Variants in MSI2 observed in about 807,000 individuals in gnomAD.
MSI2 encodes musashi RNA binding protein 2, also known as RNA-binding protein Musashi homolog 2.
MSI2 carries 17 observed loss-of-function variants against 45.6 expected under a neutral mutation model. The observed-to-expected ratio is 0.37, with a 90% CI of 0.26 to 0.56. The LOEUF (loss-of-function observed/expected upper bound fraction) is 0.56. MSI2 is among the 20% of genes least tolerant of loss of function. The pLI is 0.77. For missense variants in MSI2, 293 were observed against 444.2 expected (o/e 0.66, Z 3.06); for synonymous variants, 156 against 158.2 (o/e 0.99, Z 0.11).
intron 7 of MSI2, among the ~76,000 whole-genome samples, chr17:57,586,862 A>G (rs944392773): frequency 6.6e-6 from 1 of 152,112 alleles, no homozygotes; most frequent in Non-Finnish European, 1.5e-5. Flanking sequence ...AAAAAAAAAA[A>G]AAAAGTTTCC....
chr17:57,378,384 C>T (rs2083538811), intron 5 of MSI2, among the ~76,000 whole-genome samples: 1 of 152,184 alleles, frequency 6.6e-6, no homozygotes, highest in African/African-American at 2.4e-5. Flanking sequence ...CTGCCTCAGC[C>T]TCCCGAGTAG....
chr17:57,480,316 G>C (rs1276662819), intron 6 of MSI2, among the ~76,000 whole-genome samples: 1 of 152,142 alleles, frequency 6.6e-6, no homozygotes, highest in Non-Finnish European at 1.5e-5. Flanking sequence ...GCCTAGCAAA[G>C]TTAAAATATG....
At chr17:57,474,062 C>T (rs955810103) in intron 6 of MSI2, among the ~76,000 whole-genome samples, 2 of 151,994 alleles carry the variant, frequency 1.3e-5, no homozygotes, top group Non-Finnish European at 1.5e-5. Flanking sequence ...GAGTTCAGGA[C>T]GGAGGCAGAT....
At chr17:57,266,805 C>T (rs1436461994) in intron 5 of MSI2, 1 of 152,254 alleles carries the variant, frequency 6.6e-6, no homozygotes, top group Non-Finnish European at 1.5e-5. Context: ...GTCCAGCCTG[C>T]TTTTTTCACC....
intron 7 of MSI2, among the ~76,000 whole-genome samples, chr17:57,584,451 A>G (rs2088289755): frequency 6.6e-6 from 1 of 152,212 alleles, no homozygotes; most frequent in Non-Finnish European, 1.5e-5. Context: ...GGGTGGGGTC[A>G]TGGAGATGCT....
intron 6 of MSI2, among the ~76,000 whole-genome samples, chr17:57,473,312 GT>G (rs752428834): frequency 1.3e-5 from 2 of 152,156 alleles, no homozygotes; most frequent in Non-Finnish European, 2.9e-5. Flanking sequence ...ATATATATGC[GT>G]GTGTGAGTAT....
intron 6 of MSI2, among the ~76,000 whole-genome samples, chr17:57,476,013 A>C (rs2085530422): frequency 6.6e-6 from 1 of 152,250 alleles, no homozygotes; most frequent in African/African-American, 2.4e-5. Context: ...GAAGATCTGA[A>C]TAGCCTTTAA....
intron 8 of MSI2, among the ~76,000 whole-genome samples, chr17:57,603,638 T>A (rs1726286759): frequency 6.6e-6 from 1 of 152,252 alleles, no homozygotes; most frequent in South Asian, 2.1e-4. Context: ...CCAGCAAATT[T>A]TCTGTAACGG....
chr17:57,590,223 C>T (rs1904700036), intron 7 of MSI2, among the ~76,000 whole-genome samples: 1 of 152,012 alleles, frequency 6.6e-6, no homozygotes, highest in South Asian at 2.1e-4. Context: ...ACATGATTGC[C>T]CATTAGTGTT....
intron 5 of MSI2, among the ~76,000 whole-genome samples, chr17:57,304,130 G>A (rs540415712): frequency 1.6e-4 from 25 of 152,202 alleles, no homozygotes; most frequent in South Asian, 4.1e-4. Context: ...AGGCCGAGGC[G>A]GGTGGATCAT....
chr17:57,378,542 G>A (rs973912940), intron 5 of MSI2, among the ~76,000 whole-genome samples: 3 of 152,182 alleles, frequency 2.0e-5, no homozygotes, highest in Non-Finnish European at 2.9e-5. Context: ...GATTACAGGC[G>A]TTAGCCACTG....
chr17:57,641,167 G>A (rs1030269532), intron 10 of MSI2, among the ~76,000 whole-genome samples: 3 of 152,296 alleles, frequency 2.0e-5, no homozygotes, highest in Middle Eastern at 6.8e-3. Context: ...CTGAAACAAC[G>A]TCACTCAGGA....
chr17:57,465,823 C>T (rs1179764745), intron 6 of MSI2, among the ~76,000 whole-genome samples: 3 of 152,070 alleles, frequency 2.0e-5, no homozygotes, highest in African/African-American at 4.8e-5. Context: ...TTTATAGGCC[C>T]GAGAATGCTG....
At chr17:57,390,062 A>G (rs1259295246) in intron 5 of MSI2, among the ~76,000 whole-genome samples, 1 of 134,572 alleles carries the variant, frequency 7.4e-6, no homozygotes, top group African/African-American at 2.8e-5. Context: ...ACATAGCCAG[A>G]CCCTGTCTTT....
chr17:57,599,627 A>G (rs1905642538), intron 8 of MSI2, among the ~76,000 whole-genome samples: 1 of 152,204 alleles, frequency 6.6e-6, no homozygotes, highest in Non-Finnish European at 1.5e-5. Context: ...CTTGTTCTTC[A>G]AGAGAATGAG....
At chr17:57,428,753 A>G (rs1295513452) in intron 6 of MSI2, among the ~76,000 whole-genome samples, 2 of 152,136 alleles carry the variant, frequency 1.3e-5, no homozygotes, top group Non-Finnish European at 2.9e-5. Context: ...TTTACCATGA[A>G]GCTGAATTGT....
At chr17:57,647,809 T>C (rs1910798704) in intron 10 of MSI2, among the ~76,000 whole-genome samples, 1 of 151,478 alleles carries the variant, frequency 6.6e-6, no homozygotes, top group Admixed American at 6.6e-5. Context: ...ACCCAGCTAA[T>C]TTTTGTATTT....
rs549269545 is a variant in MSI2, at chr17:57,532,900, C to A, written c.454+3176C>A. ...CCTGTGGGGCAGCCTGGGGCCTCAA[C>A]TCATCCTTACCCCAGGAATTTTGAC... is the stretch of plus-strand genomic sequence containing the variant. On this transcript the variant is annotated intron_variant, in intron 7 of 13. Transcript: ENST00000284073. Among the ~76,000 whole-genome samples the A allele has an allele frequency of 3.9e-5, 6 of 152,300 alleles. No individual in the cohort carries two copies. The East Asian group carries it at 5.8e-4, about 15-fold the overall frequency.
At chr17:57,519,888 A>G (rs558171824) in intron 6 of MSI2, among the ~76,000 whole-genome samples, 2 of 151,992 alleles carry the variant, frequency 1.3e-5, no homozygotes, top group Admixed American at 1.3e-4. Flanking sequence ...CAATTTCCTC[A>G]CCTGTAAAAT....
Sources: gnomAD v4.1 joint callset for allele counts (sites outside exome capture counted in the v4.1 genomes callset) on GRCh38, gnomAD v4.1.1 for gene constraint, MANE v1.5 for transcripts, NCBI Gene and HGNC (gene_info 2026-07-23, HGNC 2026-07-21) for gene names.